DYNC1LI2: variants seen among roughly 807,000 people sequenced by gnomAD.
DYNC1LI2 encodes cytoplasmic dynein 1 light intermediate chain 2.
In DYNC1LI2, 19 loss-of-function variants were observed where a neutral mutation model predicts 57.8. The ratio of observed to expected loss-of-function variants is 0.33; its 90% CI spans 0.23 to 0.48. DYNC1LI2 has a LOEUF of 0.48. Ranked by LOEUF, DYNC1LI2 falls within the 20% of genes least tolerant of loss-of-function variation. DYNC1LI2 has a pLI of 0.99. For synonymous variants in DYNC1LI2, 256 were observed against 233.4 expected, an observed-to-expected ratio of 1.10 and a Z score of -0.88; for missense variants, 470 against 604.2, an observed-to-expected ratio of 0.78 and a Z score of 2.33.
At position 66,728,248 on chromosome 16, in the gene DYNC1LI2, A is replaced by G. The variant is rs771233150; in HGVS notation, c.1102-6T>C. On this transcript the variant is annotated splice_polypyrimidine_tract_variant and splice_region_variant and intron_variant, in intron 9 of 12. Coordinates refer to ENST00000258198, the MANE Select transcript of DYNC1LI2 (RefSeq NM_006141.3). ...GGTTGCTTGGCAAGGAGTGACTGCA[A>G]AGAGAGGGACAAACTGGCTATTAAC... 5.6e-6 allele frequency: 9 copies of G among 1,613,962 alleles called. No individual in the cohort carries two copies. The highest frequency in any genetic ancestry group is 7.6e-6 in the Non-Finnish European group (9 of 1,179,986).
rs138730346 is a variant in DYNC1LI2, at chr16:66,735,430, T to C, written c.699+645A>G. ...CTTAATTTCTATTCCTACCTCATCA[T>C]TCTAATTTTCCACCATCAGTTTGGA... On this transcript the variant is annotated intron_variant, in intron 5 of 12. Transcript: ENST00000258198. 1.8e-3 allele frequency among the ~76,000 whole-genome samples: 275 copies of C among 152,214 alleles called. 1 individual carries two copies. The highest frequency in any genetic ancestry group is 6.2e-3 in the African/African-American group (257 of 41,552).
chr16:66,724,185 G>A (rs1262000788), intron 12 of DYNC1LI2, among the ~76,000 whole-genome samples: 2 of 152,166 alleles, frequency 1.3e-5, no homozygotes, highest in East Asian at 1.9e-4. Flanking sequence ...TTTCAGCAAC[G>A]AAGGAAACTA....
chr16:66,729,156 C>T, intron 8 of DYNC1LI2, 57 bp from the exon 9 acceptor site: 1 of 1,595,216 alleles, frequency 6.3e-7, no homozygotes, highest in Non-Finnish European at 8.6e-7. Flanking sequence ...TAACCACTGT[C>T]AAACTTCATG....
chr16:66,736,510 G>GT (rs554412653), intron 4 of DYNC1LI2, among the ~76,000 whole-genome samples: 9 of 151,558 alleles, frequency 5.9e-5, no homozygotes, highest in African/African-American at 1.9e-4. Flanking sequence ...CCCTGAACAG[G>GT]TTTTTTTTTC....
At chr16:66,723,963 C>G in intron 12 of DYNC1LI2, 141 bp from the exon 13 acceptor site, 1 of 712,490 alleles carries the variant, frequency 1.4e-6, no homozygotes, top group African/African-American at 1.8e-5. Context: ...AAGCCCTTTT[C>G]TACTGCAGTG....
At position 66,723,044 on chromosome 16, in the gene DYNC1LI2, CT is replaced by C. The variant is rs909584901; in HGVS notation, c.*677del. 3.7e-5 allele frequency: 12 copies of C among 326,372 alleles called. No individual in the cohort carries two copies. Among genetic ancestry groups the C allele is most frequent in the African/African-American group, 2.4e-4 (11 of 46,470 alleles). 20.2% of individuals were successfully genotyped at this position (326,372 alleles called of 1,614,324 possible). A position where few individuals can be genotyped will look rare whatever the true frequency, so the allele number is the denominator to read the frequency against. ...TGGGCAGCTGCCATCGTTCCCACCC[CT>C]GGGTCAGCTCCGCCTGACTCAGGCA... is the stretch of plus-strand genomic sequence containing the variant. On this transcript the variant is annotated 3_prime_UTR_variant, in exon 13 of 13. Transcript: ENST00000258198.
At chr16:66,730,043 A>C (rs2017607464) in intron 8 of DYNC1LI2, 69 bp downstream of exon 8, 2 of 1,394,146 alleles carry the variant, frequency 1.4e-6, no homozygotes, top group Non-Finnish European at 2.0e-6. Context: ...GGCCTCCCAA[A>C]GTGCTGGGAT....
rs917607980 is a variant in DYNC1LI2, at chr16:66,742,653, T to C, written c.314A>G (p.Asn105Ser). 1.4e-5 allele frequency: 22 copies of C among 1,614,176 alleles called. No homozygotes were observed. Among genetic ancestry groups the C allele is most frequent in the Non-Finnish European group, 1.9e-5 (22 of 1,180,010 alleles). ...DEDRDDHTRCNVWILDGDLYH... is the reference protein window; with the variant it reads ...DEDRDDHTRCSVWILDGDLYH... ...CAAGTCTCCATCCAGAATCCACACG[T>C]TGCAGCGCGTGTGATCTGAGAAAAC... The change falls in exon 4 of 13, where the codon AAC (asparagine) becomes AGC (serine). Residue 105 changes from asparagine (N) to serine (S), a missense_variant. Coordinates refer to ENST00000258198, the MANE Select transcript of DYNC1LI2 (RefSeq NM_006141.3).
chr16:66,746,789 T>C (rs1172695613), intron 3 of DYNC1LI2, among the ~76,000 whole-genome samples: 1 of 152,202 alleles, frequency 6.6e-6, no homozygotes, highest in African/African-American at 2.4e-5. Flanking sequence ...TAGGCACCAT[T>C]ACCCCATTCT....
At chr16:66,750,340 A>G (rs1354930605) in intron 2 of DYNC1LI2, among the ~76,000 whole-genome samples, 1 of 152,140 alleles carries the variant, frequency 6.6e-6, no homozygotes, top group Non-Finnish European at 1.5e-5. Flanking sequence ...GATGGAGGTG[A>G]GATAAAAGCC....
At chr16:66,741,992 C>A (rs2017847538) in intron 4 of DYNC1LI2, among the ~76,000 whole-genome samples, 1 of 147,584 alleles carries the variant, frequency 6.8e-6, no homozygotes, top group African/African-American at 2.5e-5. Flanking sequence ...AAAGCTTTGT[C>A]TTTCTTAGGA....
At chr16:66,743,346 G>A (rs554149356) in intron 3 of DYNC1LI2, among the ~76,000 whole-genome samples, 4 of 152,040 alleles carry the variant, frequency 2.6e-5, no homozygotes, top group Admixed American at 6.6e-5. Flanking sequence ...AACTGATCAC[G>A]AGGTCGGGAG....
At chr16:66,739,548 T>C (rs1448948162) in intron 4 of DYNC1LI2, among the ~76,000 whole-genome samples, 1 of 152,154 alleles carries the variant, frequency 6.6e-6, no homozygotes, top group Admixed American at 6.5e-5. Flanking sequence ...CTCAATCAAT[T>C]TGTCTGCCTC....
chr16:66,751,457 G>C lies in DYNC1LI2; in HGVS notation c.107+28C>G. 1 of 1,580,786 alleles carries C rather than the reference G, an allele frequency of 6.3e-7. No individual in the cohort carries two copies. The highest frequency in any genetic ancestry group is 8.6e-7 in the Non-Finnish European group (1 of 1,167,608). Reference sequence around the variant, plus strand: ...CCGGCCCAGAGGCCGCGCCCCCCACGGCCCGGCCCGACCGCCCGCGGCCTC... The same window carrying C: ...CCGGCCCAGAGGCCGCGCCCCCCACCGCCCGGCCCGACCGCCCGCGGCCTC... On this transcript the variant is annotated intron_variant, in intron 1 of 12. Transcript: ENST00000258198. This position sits in a 1 kb window ranked among gnomAD's most constrained non-coding sequence, Gnocchi z 5.2.
At chr16:66,735,954 A>T in intron 5 of DYNC1LI2, 121 bp downstream of exon 5, 2 of 1,297,552 alleles carry the variant, frequency 1.5e-6, no homozygotes, top group Non-Finnish European at 2.1e-6. Flanking sequence ...AATGTACCTT[A>T]ATGAATCTCA....
chr16:66,741,565 G>T (rs552428681), intron 4 of DYNC1LI2, among the ~76,000 whole-genome samples: 1 of 152,202 alleles, frequency 6.6e-6, no homozygotes, highest in African/African-American at 2.4e-5. Context: ...CTGCCAGTAA[G>T]TGTGAAGATC....
At chr16:66,729,829 T>G (rs538071538) in intron 8 of DYNC1LI2, among the ~76,000 whole-genome samples, 1 of 152,246 alleles carries the variant, frequency 6.6e-6, no homozygotes, top group African/African-American at 2.4e-5. Context: ...GTTGCCAGGT[T>G]GGAGTGCAGT....
intron 4 of DYNC1LI2, among the ~76,000 whole-genome samples, chr16:66,740,539 T>C (rs1304171631): frequency 6.6e-6 from 1 of 152,190 alleles, no homozygotes; most frequent in Non-Finnish European, 1.5e-5. Context: ...TCGTGGGACA[T>C]GGTTCCAGCA....
At chr16:66,724,534 T>C (rs1339849587) in intron 12 of DYNC1LI2, 1 of 152,194 alleles carries the variant, frequency 6.6e-6, no homozygotes, top group Non-Finnish European at 1.5e-5. Flanking sequence ...ACATACCTTA[T>C]AGCCAATGGA....
Sources: gnomAD v4.1 joint callset for allele counts (sites outside exome capture counted in the v4.1 genomes callset) on GRCh38, gnomAD v4.1.1 for gene constraint, Gnocchi (gnomAD v3.1) non-coding constraint, MANE v1.5 for transcripts, NCBI Gene and HGNC (gene_info 2026-07-23, HGNC 2026-07-21) for gene names.